The following MAP3K20 variants were observed in gnomAD, a reference collection of about 807,000 sequenced individuals.
MAP3K20 encodes mitogen-activated protein kinase kinase kinase 20.
In MAP3K20, 40 loss-of-function variants were observed where a neutral mutation model predicts 85.7. The observed-to-expected ratio is 0.47, with a 90% CI of 0.36 to 0.61. The LOEUF is 0.61. Ranked by LOEUF, MAP3K20 falls within the 20% of genes least tolerant of loss-of-function variation. The probability of loss-of-function intolerance (pLI) is 0.00; values close to 1 mark genes in which losing one functional copy is unlikely to be tolerated. For synonymous variants in MAP3K20, 325 were observed against 327.7 expected, an observed-to-expected ratio of 0.99 and a Z score of 0.09; for missense variants, 817 against 961.7, an observed-to-expected ratio of 0.85 and a Z score of 1.99.
intron 2 of MAP3K20, 127 bp downstream of exon 2, chr2:173,091,317 G>T (rs1366275999): frequency 1.7e-5 from 15 of 898,276 alleles, no homozygotes; most frequent in Non-Finnish European, 2.4e-5. Context: ...CCACGAGGCC[G>T]TTTCCCAATT....
At chr2:173,144,931 C>T (rs1425268251) in intron 2 of MAP3K20, among the ~76,000 whole-genome samples, 1 of 152,076 alleles carries the variant, frequency 6.6e-6, no homozygotes, top group African/African-American at 2.4e-5. Context: ...TAGACCCAGA[C>T]ATATTATAAT....
At chr2:173,209,639 TTTATTACTATGC>T in intron 9 of MAP3K20, 78 bp from the exon 10 acceptor site, 2 of 1,054,684 alleles carry the variant, frequency 1.9e-6, no homozygotes, top group Non-Finnish European at 2.7e-6. Context: ...GTGGGTTGAG[TTTATTACTATGC>T]TTGTAGTATC....
chr2:173,145,741 A>G (rs1347139584), intron 2 of MAP3K20, among the ~76,000 whole-genome samples: 1 of 152,194 alleles, frequency 6.6e-6, no homozygotes, highest in Non-Finnish European at 1.5e-5. Context: ...CCTATGAGTC[A>G]TCAATTCAAC....
intron 3 of MAP3K20, among the ~76,000 whole-genome samples, chr2:173,180,228 AATCAAC>A: frequency 6.6e-6 from 1 of 152,352 alleles, no homozygotes; most frequent in Admixed American, 6.5e-5. Flanking sequence ...AATCTGTAGT[AATCAAC>A]ATAATACAAT....
At chr2:173,187,317 T>C (rs1440853550) in intron 4 of MAP3K20, among the ~76,000 whole-genome samples, 3 of 152,216 alleles carry the variant, frequency 2.0e-5, no homozygotes, top group African/African-American at 7.2e-5. Context: ...TATTAGGTAT[T>C]GTAAGAAGCT....
chr2:173,265,144 GC>G (rs1231372116), intron 19 of MAP3K20, among the ~76,000 whole-genome samples: 8 of 152,248 alleles, frequency 5.3e-5, no homozygotes, highest in Non-Finnish European at 1.5e-5. Context: ...GGTCACCTGT[GC>G]CCAGGCAGTG....
intron 1 of MAP3K20, among the ~76,000 whole-genome samples, chr2:173,083,901 T>C (rs1182780198): frequency 6.6e-6 from 1 of 152,146 alleles, no homozygotes; most frequent in Non-Finnish European, 1.5e-5. Context: ...TCTTCCTATA[T>C]TGTATAAAAA....
intron 1 of MAP3K20, among the ~76,000 whole-genome samples, chr2:173,076,709 A>C (rs1686872861): frequency 1.3e-5 from 2 of 152,212 alleles, no homozygotes; most frequent in Admixed American, 1.3e-4. Context: ...GGGCAGCATG[A>C]AGCGCCCGCC....
chr2:173,191,091 T>G lies in MAP3K20; in HGVS notation c.496T>G (p.Leu166Val), dbSNP rs551953949. ...RFHNHTTHMSLVGTFPWMAPE... is the reference protein window; with the variant it reads ...RFHNHTTHMSVVGTFPWMAPE... ...CCATAACCATACAACACACATGTCC[T>G]TGGTTGGAACTTTCCCATGGATGGC... is the stretch of plus-strand genomic sequence containing the variant. Residue 166 changes from leucine (L) to valine (V), a missense_variant, in exon 7 of 20, where the codon TTG (leucine) becomes GTG (valine). Coordinates refer to ENST00000375213, the MANE Select transcript of MAP3K20 (RefSeq NM_016653.3). 6.2e-7 allele frequency: 1 copy of G among 1,614,102 alleles called. No homozygotes were observed. The highest frequency in any genetic ancestry group is 1.1e-5 in the South Asian group (1 of 91,076).
At chr2:173,167,819 C>T (rs1395985143) in intron 2 of MAP3K20, among the ~76,000 whole-genome samples, 1 of 152,058 alleles carries the variant, frequency 6.6e-6, no homozygotes, top group Non-Finnish European at 1.5e-5. Context: ...TCCAAGGACT[C>T]AGAATATACT....
At chr2:173,222,198 C>CTAAAGAT (rs1313117933) in intron 11 of MAP3K20, 1 of 969,842 alleles carries the variant, frequency 1.0e-6, no homozygotes, top group East Asian at 1.2e-4. Context: ...AGAACAAGAT[C>CTAAAGAT]CTGTCTCAAA....
rs769134273 is a variant in MAP3K20 at position 173,239,481 on chromosome 2, A to T, written c.1344A>T (p.Pro448=). ...LELVFGFHLK[P]GTGPQDCKWK... is the part of the protein sequence containing the mutation. ...TGGTTTTTGGTTTTCACTTGAAACC[A>T]GGAACTGGCCCACAGGTAAATCACA... The change falls in exon 16 of 20, where the codon CCA becomes CCT. Residue 448 remains proline, a synonymous_variant. Coordinates refer to ENST00000375213, the MANE Select transcript of MAP3K20 (RefSeq NM_016653.3). 1 of 1,612,530 alleles carries T rather than the reference A, an allele frequency of 6.2e-7. No individual in the cohort carries two copies. Among genetic ancestry groups the T allele is most frequent in the Non-Finnish European group, 8.5e-7 (1 of 1,179,716 alleles).
At chr2:173,199,378 T>C (rs1454419703) in intron 8 of MAP3K20, among the ~76,000 whole-genome samples, 2 of 152,230 alleles carry the variant, frequency 1.3e-5, no homozygotes, top group African/African-American at 2.4e-5. Context: ...GAATGTGCCT[T>C]ACTCATTGTT....
intron 16 of MAP3K20, among the ~76,000 whole-genome samples, chr2:173,245,117 A>G (rs952424908): frequency 6.6e-6 from 1 of 152,190 alleles, no homozygotes; most frequent in African/African-American, 2.4e-5. Context: ...GCATTTGAGA[A>G]GGACCACCCA....
intron 3 of MAP3K20, among the ~76,000 whole-genome samples, chr2:173,180,101 A>G (rs1690281444): frequency 6.6e-6 from 1 of 152,184 alleles, no homozygotes; most frequent in Non-Finnish European, 1.5e-5. Context: ...TTTTTTTAGA[A>G]ATTAACAAGC....
intron 10 of MAP3K20, chr2:173,215,737 G>A (rs888950267): frequency 6.6e-6 from 1 of 152,228 alleles, no homozygotes; most frequent in African/African-American, 2.4e-5. Context: ...GATTTTGCCA[G>A]TGAATGCCTG....
intron 2 of MAP3K20, among the ~76,000 whole-genome samples, 175 bp downstream of exon 2, chr2:173,091,365 C>T (rs946363753): frequency 6.6e-6 from 1 of 152,020 alleles, no homozygotes; most frequent in African/African-American, 2.4e-5. Flanking sequence ...ATTATTGCAG[C>T]GTGTGCTTTA....
Position 173,239,383 on chromosome 2 carries a change from G to C in MAP3K20, c.1267-21G>C, listed in dbSNP as rs751395877. The C allele has an allele frequency of 3.8e-6, 6 of 1,591,018 alleles. No individual in the cohort carries two copies. The Admixed American group carries it at 9.0e-5, about 24-fold the overall frequency. On this transcript the variant is annotated intron_variant, in intron 15 of 19. Transcript: ENST00000375213. Reference sequence around the variant, plus strand: ...GTAAAAACAACATCTAGAATAATTGGTGCTTGGTTTCCTGTTTTAGGACTC... The same window carrying C: ...GTAAAAACAACATCTAGAATAATTGCTGCTTGGTTTCCTGTTTTAGGACTC...
chr2:173,078,607 G>T (rs770006447), intron 1 of MAP3K20, among the ~76,000 whole-genome samples: 11 of 152,124 alleles, frequency 7.2e-5, no homozygotes, highest in Non-Finnish European at 1.3e-4. Context: ...CTGAAGCATC[G>T]TCCTAATAGC....
Sources: gnomAD v4.1 joint callset for allele counts (sites outside exome capture counted in the v4.1 genomes callset) on GRCh38, gnomAD v4.1.1 for gene constraint, MANE v1.5 for transcripts, NCBI Gene and HGNC (gene_info 2026-07-23, HGNC 2026-07-21) for gene names.